TENM3: variants seen among roughly 807,000 people sequenced by gnomAD.
The protein encoded by TENM3 is teneurin transmembrane protein 3.
TENM3 carries 63 observed loss-of-function variants against 255.1 expected under a neutral mutation model. The observed-to-expected ratio is 0.25, with a 90% CI of 0.20 to 0.30. The LOEUF (loss-of-function observed/expected upper bound fraction) is 0.30. Ranked by LOEUF, TENM3 falls within the 10% of genes least tolerant of loss-of-function variation. The pLI is 1.00. For missense variants in TENM3, 2,929 were observed against 3,461.1 expected, an observed-to-expected ratio of 0.85 and a Z score of 3.86; for synonymous variants, 1,306 against 1,322.3, an observed-to-expected ratio of 0.99 and a Z score of 0.27.
chr4:182,784,659 G>C (rs1765477273), intron 24 of TENM3, among the ~76,000 whole-genome samples: 1 of 151,044 alleles, frequency 6.6e-6, no homozygotes, highest in East Asian at 2.0e-4. Context: ...AAGCCTCGCT[G>C]CCGCCTTGCA....
intron 12 of TENM3, among the ~76,000 whole-genome samples, chr4:182,688,692 C>G (rs565765522): frequency 2.0e-5 from 3 of 152,260 alleles, no homozygotes; most frequent in Non-Finnish European, 4.4e-5. Flanking sequence ...TTCTTAATAG[C>G]AGATTTTCCA....
At chr4:181,529,507 G>A in the TENM3 span, among the ~76,000 whole-genome samples, 1 of 152,172 alleles carries the variant, frequency 6.6e-6, no homozygotes, top group African/African-American at 2.4e-5. Context: ...ATCCTTTCAG[G>A]AGACATGAGA....
At chr4:181,921,202 G>C in the TENM3 span, among the ~76,000 whole-genome samples, 21 of 152,142 alleles carry the variant, frequency 1.4e-4, no homozygotes, top group African/African-American at 4.3e-4. Context: ...GCTTAGGATT[G>C]ACTTGGCAGT....
At chr4:182,304,485 T>C (rs571826151) in intron 1 of TENM3, among the ~76,000 whole-genome samples, 1 of 152,294 alleles carries the variant, frequency 6.6e-6, no homozygotes, top group Non-Finnish European at 1.5e-5. Context: ...GTAATGGGAT[T>C]ACAGGCATGA....
chr4:182,609,834 A>T (rs1748818567), intron 4 of TENM3, among the ~76,000 whole-genome samples: 1 of 152,182 alleles, frequency 6.6e-6, no homozygotes, highest in Admixed American at 6.5e-5. Flanking sequence ...GTTCCTTAAG[A>T]TGTCATGTGA....
chr4:182,205,180 A>G (rs1262607815), intron 1 of TENM3, among the ~76,000 whole-genome samples: 1 of 152,248 alleles, frequency 6.6e-6, no homozygotes, highest in Non-Finnish European at 1.5e-5. Flanking sequence ...AAAACAAAAC[A>G]AATGGAAACT....
chr4:182,201,333 C>T (rs941435986), intron 1 of TENM3, among the ~76,000 whole-genome samples: 4 of 152,088 alleles, frequency 2.6e-5, no homozygotes, highest in Non-Finnish European at 5.9e-5. Flanking sequence ...GAGAAACAAA[C>T]AATTCACTGA....
chr4:182,669,304 CTG>C (rs1312271902), intron 6 of TENM3, among the ~76,000 whole-genome samples: 5 of 152,088 alleles, frequency 3.3e-5, no homozygotes, highest in Admixed American at 6.5e-5. Context: ...GAGTCTCACT[CTG>C]TTGCCCAGGC....
chr4:182,107,978 G>GTTT, the TENM3 span, among the ~76,000 whole-genome samples: 2 of 152,114 alleles, frequency 1.3e-5, no homozygotes, highest in African/African-American at 4.8e-5. Flanking sequence ...CTTTGAATTT[G>GTTT]TTTTGACATT....
At chr4:181,477,047 G>C in the TENM3 span, among the ~76,000 whole-genome samples, 29 of 148,254 alleles carry the variant, frequency 2.0e-4, no homozygotes, top group Admixed American at 1.9e-3. Flanking sequence ...TTGCTCAAGA[G>C]AAGAAAGGAA....
At chr4:181,900,293 G>C in the TENM3 span, among the ~76,000 whole-genome samples, 1 of 152,046 alleles carries the variant, frequency 6.6e-6, no homozygotes, top group Non-Finnish European at 1.5e-5. Flanking sequence ...TTTTAATTAA[G>C]TAAAAATATG....
chr4:182,431,828 G>T (rs1561439695), intron 3 of TENM3, among the ~76,000 whole-genome samples: 2 of 152,056 alleles, frequency 1.3e-5, no homozygotes, highest in Non-Finnish European at 2.9e-5. Context: ...TGTAATCCCA[G>T]CACTTTGGAA....
intron 1 of TENM3, among the ~76,000 whole-genome samples, chr4:182,204,338 G>C (rs9685597): frequency 0.013 from 1,949 of 152,310 alleles, 43 homozygotes; most frequent in African/African-American, 0.045. Flanking sequence ...TATTTTAAGA[G>C]TGTGTGGTAC....
chr4:182,671,405 G>A lies in TENM3; in HGVS notation c.1112-1600G>A, dbSNP rs17073769. On this transcript the variant is annotated intron_variant, in intron 6 of 27. Transcript: ENST00000511685. ...GTTCCACGGCCATGCTTGTGATAGCGATGTTTATCCCAGCTCAGAAACCTT... is the reference window on the plus strand; with the variant it reads ...GTTCCACGGCCATGCTTGTGATAGCAATGTTTATCCCAGCTCAGAAACCTT... Among the ~76,000 whole-genome samples, 465 of 152,182 alleles carry A rather than the reference G, an allele frequency of 3.1e-3. 5 individuals are homozygous for A. Among genetic ancestry groups the A allele is most frequent in the African/African-American group, 0.011 (451 of 41,528 alleles).
chr4:182,736,820 G>A lies in TENM3; in HGVS notation c.2980G>A (p.Glu994Lys). 6.2e-7 allele frequency: 1 copy of A among 1,613,020 alleles called. No homozygotes were observed. Among genetic ancestry groups the A allele is most frequent in the Admixed American group, 1.7e-5 (1 of 59,840 alleles). ...TATTCAAACTTAGGTACTCCACGAG[G>A]AAACTACAATTCCAGGAACAGATTT... ...IIPETQVLHEETTIPGTDLKL... is the reference protein window; with the variant it reads ...IIPETQVLHEKTTIPGTDLKL... The change falls in exon 17 of 28, where the codon GAA becomes AAA. Residue 994 changes from glutamate (E) to lysine (K), a missense_variant. By Grantham distance (56) the Glu-to-Lys change is moderately conservative. Transcript: ENST00000511685.
At chr4:181,962,547 A>G in the TENM3 span, among the ~76,000 whole-genome samples, 1 of 152,236 alleles carries the variant, frequency 6.6e-6, no homozygotes, top group African/African-American at 2.4e-5. Context: ...TGGATGAAAC[A>G]GGTTGTTTTG....
the TENM3 span, among the ~76,000 whole-genome samples, chr4:181,557,573 T>A: frequency 6.6e-6 from 1 of 152,176 alleles, no homozygotes; most frequent in Non-Finnish European, 1.5e-5. Context: ...ATTGCTCAGG[T>A]TGGAGTGCAG....
At chr4:181,765,237 G>T in the TENM3 span, among the ~76,000 whole-genome samples, 11 of 152,154 alleles carry the variant, frequency 7.2e-5, no homozygotes, top group East Asian at 2.1e-3. Context: ...TGATTCCGAG[G>T]TCTGATCTCT....
At chr4:182,245,489 A>G (rs897890329) in intron 1 of TENM3, among the ~76,000 whole-genome samples, 14 of 152,242 alleles carry the variant, frequency 9.2e-5, no homozygotes, top group African/African-American at 3.4e-4. Flanking sequence ...CTTTTCCAGC[A>G]ATCAGTGCTT....
Sources: gnomAD v4.1 joint callset for allele counts (sites outside exome capture counted in the v4.1 genomes callset) on GRCh38, gnomAD v4.1.1 for gene constraint, MANE v1.5 for transcripts, NCBI Gene and HGNC (gene_info 2026-07-23, HGNC 2026-07-21) for gene names.